The following TBC1D5 variants were observed in gnomAD, a reference collection of about 807,000 sequenced individuals.
TBC1D5 encodes the protein TBC1 domain family, member 5.
A neutral mutation model predicts 100.3 loss-of-function variants in TBC1D5; 75 were observed. The ratio of observed to expected loss-of-function variants is 0.75; its 90% CI spans 0.62 to 0.91. TBC1D5 has a LOEUF of 0.91. TBC1D5 is among the 40% of genes least tolerant of loss of function. The pLI, the probability that TBC1D5 is intolerant of heterozygous loss-of-function variation, is 0.00. For synonymous variants in TBC1D5, 323 were observed against 325.6 expected (o/e 0.99, Z 0.09); for missense variants, 910 against 942.4 (o/e 0.97, Z 0.45).
chr3:17,484,766 G>A (rs905000048), intron 3 of TBC1D5, among the ~76,000 whole-genome samples: 27 of 152,014 alleles, frequency 1.8e-4, no homozygotes, highest in African/African-American at 6.0e-4. Flanking sequence ...TTACAGGCAT[G>A]AGCCACTAGG....
intron 13 of TBC1D5, among the ~76,000 whole-genome samples, chr3:17,329,206 A>G (rs928037206): frequency 3.3e-5 from 5 of 152,328 alleles, no homozygotes; most frequent in Non-Finnish European, 5.9e-5. Flanking sequence ...ATCCGTGGTG[A>G]TAACTTGATT....
intron 1 of TBC1D5, among the ~76,000 whole-genome samples, chr3:17,734,614 T>G (rs1165632246): frequency 6.6e-6 from 1 of 152,204 alleles, no homozygotes; most frequent in African/African-American, 2.4e-5. Flanking sequence ...ACATAAAATG[T>G]TAAAACCTGT....
chr3:17,606,382 C>A (rs1051185726), intron 2 of TBC1D5, among the ~76,000 whole-genome samples: 1 of 152,020 alleles, frequency 6.6e-6, no homozygotes, highest in Non-Finnish European at 1.5e-5. Flanking sequence ...CCCAGGAATG[C>A]GAGGCTGCAG....
chr3:17,674,854 G>A (rs907438692), intron 1 of TBC1D5, among the ~76,000 whole-genome samples: 7 of 152,066 alleles, frequency 4.6e-5, no homozygotes, highest in African/African-American at 1.7e-4. Flanking sequence ...GGGAAAATGA[G>A]TTCATTTGAG....
chr3:17,625,700 GT>G (rs1360188030), intron 1 of TBC1D5, among the ~76,000 whole-genome samples: 1 of 151,210 alleles, frequency 6.6e-6, no homozygotes, highest in Non-Finnish European at 1.5e-5. Context: ...ACTTTCTATG[GT>G]TATTACAACC....
At chr3:17,318,330 A>G (rs966667238) in intron 13 of TBC1D5, among the ~76,000 whole-genome samples, 10 of 152,184 alleles carry the variant, frequency 6.6e-5, no homozygotes, top group Non-Finnish European at 1.3e-4. Context: ...ATACATATGT[A>G]ACAAACCTGC....
In TBC1D5 at chr3:17,503,647, C is replaced by A. The variant is rs541439735; in HGVS notation, c.97+4827G>T. Among the ~76,000 whole-genome samples the A allele has an allele frequency of 2.3e-4, 35 of 149,666 alleles. 7 individuals carry two copies. Among genetic ancestry groups the A allele is most frequent in the African/African-American group, 8.4e-4 (33 of 39,518 alleles). ...AACAAACAATATTTGCTATATACCA[C>A]GTTAGTAAGTTTAAGAAACCAGGTA... On this transcript the variant is annotated intron_variant, in intron 3 of 21. Transcript: ENST00000253692.
chr3:17,688,067 T>C (rs1474266725), intron 1 of TBC1D5, among the ~76,000 whole-genome samples: 1 of 152,234 alleles, frequency 6.6e-6, no homozygotes, highest in Non-Finnish European at 1.5e-5. Context: ...TGGTTAAATT[T>C]AGGGATAATC....
At chr3:17,739,513 G>C (rs1354715146) in exon 1 of TBC1D5, 1 of 152,122 alleles carries the variant, frequency 6.6e-6, no homozygotes, top group Admixed American at 6.5e-5. Context: ...ATACATGTAG[G>C]GTGGAGGACA....
Position 17,699,747 on chromosome 3 carries a change from C to T in TBC1D5, c.-101+39596G>A, listed in dbSNP as rs1169597147. Among the ~76,000 whole-genome samples the T allele has an allele frequency of 4.7e-5, 7 of 150,194 alleles. No individual in the cohort carries two copies. In the South Asian group the frequency reaches 6.3e-4, roughly 14 times the overall value. On this transcript the variant is annotated intron_variant, in intron 1 of 21. Coordinates refer to ENST00000253692, the Ensembl canonical transcript of TBC1D5. ...CAATAATATTGTAAAAGTTAATATCCTTTCAATGTATCTGATTTAAAATTA... is the reference window on the plus strand; with the variant it reads ...CAATAATATTGTAAAAGTTAATATCTTTTCAATGTATCTGATTTAAAATTA...
At position 17,381,890 on chromosome 3, in the gene TBC1D5, C is replaced by T. The variant is rs74422922; in HGVS notation, c.612+2023G>A. Among the ~76,000 whole-genome samples, 1,425 of 152,086 alleles carry T rather than the reference C, an allele frequency of 9.4e-3. 72 individuals are homozygous for T. In the East Asian group the frequency reaches 0.16, roughly 17 times the overall value. On this transcript the variant is annotated intron_variant, in intron 9 of 21. Transcript: ENST00000253692. ...TGTGTAATTTAATGGTTTTTCCAGA[C>T]GGAAATCCACATATAGCACGTCAAT...
chr3:17,538,451 C>G (rs1020226050), intron 2 of TBC1D5, among the ~76,000 whole-genome samples: 13 of 152,190 alleles, frequency 8.5e-5, no homozygotes, highest in African/African-American at 3.1e-4. Flanking sequence ...TGTATAAAAT[C>G]CCAAGTCAAG....
chr3:17,188,171 C>T (rs536725349), intron 18 of TBC1D5, among the ~76,000 whole-genome samples: 1 of 152,286 alleles, frequency 6.6e-6, no homozygotes, highest in South Asian at 2.1e-4. Flanking sequence ...GTAATAAAGA[C>T]TGCGATGAGA....
chr3:17,441,409 G>C (rs1397597328), intron 3 of TBC1D5, among the ~76,000 whole-genome samples: 1 of 152,152 alleles, frequency 6.6e-6, no homozygotes, highest in Non-Finnish European at 1.5e-5. Flanking sequence ...GAAGATGAAG[G>C]TAATATCTGA....
chr3:17,234,577 C>T (rs1364349681), intron 17 of TBC1D5, among the ~76,000 whole-genome samples: 2 of 152,082 alleles, frequency 1.3e-5, no homozygotes, highest in East Asian at 1.9e-4. Context: ...CAAAGTTCAA[C>T]ACTAAGCACA....
chr3:17,706,439 ACG>A (rs895681509), intron 1 of TBC1D5, among the ~76,000 whole-genome samples: 7 of 125,680 alleles, frequency 5.6e-5, no homozygotes, highest in East Asian at 2.6e-4. Context: ...ACACACACAC[ACG>A]CGCGCGCACA....
intron 2 of TBC1D5, among the ~76,000 whole-genome samples, chr3:17,542,906 C>T (rs2096372870): frequency 6.6e-6 from 1 of 152,168 alleles, no homozygotes; most frequent in African/African-American, 2.4e-5. Flanking sequence ...TACACATATA[C>T]ATTTAGAACT....
intron 3 of TBC1D5, among the ~76,000 whole-genome samples, chr3:17,454,458 A>T (rs2095004638): frequency 6.6e-6 from 1 of 152,072 alleles, no homozygotes. Flanking sequence ...AATCAATAGC[A>T]TCTTTTTTCT....
intron 17 of TBC1D5, among the ~76,000 whole-genome samples, chr3:17,235,084 C>G (rs2075752340): frequency 6.6e-6 from 1 of 152,130 alleles, no homozygotes; most frequent in African/African-American, 2.4e-5. Flanking sequence ...CTGTTTTACT[C>G]TGCTGCTTCT....
Sources: allele counts gnomAD v4.1 joint callset (sites outside exome capture counted in the v4.1 genomes callset), GRCh38; gene constraint gnomAD v4.1.1; transcripts MANE v1.5; gene names NCBI Gene and HGNC (gene_info 2026-07-23, HGNC 2026-07-21).